The following MYCBP2 variants were observed in gnomAD, a reference collection of about 807,000 sequenced individuals.
MYCBP2 encodes E3 ubiquitin-protein ligase MYCBP2.
A neutral mutation model predicts 525.3 loss-of-function variants in MYCBP2; 120 were observed. The observed-to-expected ratio is 0.23, with a 90% CI of 0.20 to 0.27. The LOEUF (loss-of-function observed/expected upper bound fraction) is 0.27, where lower values mean the gene tolerates loss of function less well. MYCBP2 is among the 10% of genes least tolerant of loss of function. MYCBP2 has a pLI of 1.00. For synonymous variants in MYCBP2, 1,894 were observed against 1,955.8 expected, an observed-to-expected ratio of 0.97 and a Z score of 0.83; for missense variants, 4,149 against 5,657.1, an observed-to-expected ratio of 0.73 and a Z score of 8.55.
intron 55 of MYCBP2, among the ~76,000 whole-genome samples, chr13:77,113,652 T>G (rs1566578886): frequency 1.3e-5 from 2 of 152,242 alleles, no homozygotes; most frequent in South Asian, 4.1e-4. Context: ...AACATCAGCA[T>G]TCTTTGTGGT....
chr13:77,273,390 C>G lies in MYCBP2; in HGVS notation c.945+82G>C. 2.4e-6 allele frequency: 3 copies of G among 1,243,566 alleles called. 1 individual carries two copies. The highest frequency in any genetic ancestry group is 3.3e-6 in the Non-Finnish European group (3 of 907,498). The allele number at this position is 1,243,566 out of a possible 1,614,324, so 77.0% of individuals were successfully genotyped here. ...AGCTACTGTAATGAGTGAGAAAAAGCAGAATTCCTATTGACAGAAATTGAG... is the reference window on the plus strand; with the variant it reads ...AGCTACTGTAATGAGTGAGAAAAAGGAGAATTCCTATTGACAGAAATTGAG... On this transcript the variant is annotated intron_variant, in intron 5 of 82. Coordinates refer to ENST00000544440, the MANE Select transcript of MYCBP2 (RefSeq NM_015057.5).
intron 1 of MYCBP2, among the ~76,000 whole-genome samples, chr13:77,305,137 A>G (rs933573278): frequency 3.3e-5 from 5 of 152,190 alleles, no homozygotes; most frequent in Admixed American, 1.3e-4. Context: ...TAGACAATAT[A>G]AAAAGAAGAA....
intron 30 of MYCBP2, among the ~76,000 whole-genome samples, chr13:77,187,607 A>G (rs2060847077): frequency 6.6e-6 from 1 of 152,228 alleles, no homozygotes; most frequent in African/African-American, 2.4e-5. Context: ...ACAGAGCCAA[A>G]TGTACTGCCA....
At chr13:77,107,628 C>G (rs1258076228) in intron 55 of MYCBP2, among the ~76,000 whole-genome samples, 1 of 152,046 alleles carries the variant, frequency 6.6e-6, no homozygotes. Context: ...GTCCTCACTA[C>G]TCAGGAGGCA....
At position 77,045,320 on chromosome 13, in the gene MYCBP2, G is replaced by T; in HGVS notation, c.*58C>A. The T allele has an allele frequency of 1.7e-6, 2 of 1,180,430 alleles. No homozygotes were observed. The highest frequency in any genetic ancestry group is 1.9e-4 in the Middle Eastern group (1 of 5,152). 73.1% of individuals were successfully genotyped at this position (1,180,430 alleles called of 1,614,324 possible). ...TCCTGAGCAGAGTTTAAACTTCACC[G>T]CATCCTCTTGGGGGATGAAGGCAAT... On this transcript the variant is annotated 3_prime_UTR_variant, in exon 83 of 83. Coordinates refer to ENST00000544440, the MANE Select transcript of MYCBP2 (RefSeq NM_015057.5).
At chr13:77,207,504 A>T (rs2154277643) in intron 23 of MYCBP2, among the ~76,000 whole-genome samples, 1 of 152,140 alleles carries the variant, frequency 6.6e-6, no homozygotes, top group Non-Finnish European at 1.5e-5. Context: ...GTTTTCCAAG[A>T]AAAAAAAGTT....
chr13:77,247,254 A>G (rs186655803), intron 15 of MYCBP2, among the ~76,000 whole-genome samples: 293 of 152,354 alleles, frequency 1.9e-3, no homozygotes, highest in Non-Finnish European at 3.2e-3. Context: ...TGAATTCAGC[A>G]AAGTAGGAAG....
chr13:77,197,917 A>C (rs538150268), intron 26 of MYCBP2, among the ~76,000 whole-genome samples: 1 of 152,296 alleles, frequency 6.6e-6, no homozygotes, highest in East Asian at 1.9e-4. Context: ...AAAAAGAAAA[A>C]TAGGGCCAAT....
chr13:77,075,803 A>T (rs2042193040), intron 68 of MYCBP2: 1 of 152,204 alleles, frequency 6.6e-6, no homozygotes, highest in South Asian at 2.1e-4. Flanking sequence ...CTTAACAGGT[A>T]GTTACACAGT....
At chr13:77,140,501 C>T (rs549228229) in intron 50 of MYCBP2, among the ~76,000 whole-genome samples, 26 of 152,136 alleles carry the variant, frequency 1.7e-4, no homozygotes, top group Non-Finnish European at 3.4e-4. Flanking sequence ...TTTTAACATG[C>T]AGTTTACCAA....
chr13:77,212,567 C>T (rs1308420668), intron 21 of MYCBP2, among the ~76,000 whole-genome samples: 1 of 152,096 alleles, frequency 6.6e-6, no homozygotes, highest in Non-Finnish European at 1.5e-5. Context: ...AAGAAAGTCA[C>T]TATTGAACTC....
At chr13:77,088,694 G>T in intron 61 of MYCBP2, 138 bp downstream of exon 61, 1 of 608,644 alleles carries the variant, frequency 1.6e-6, no homozygotes, top group Non-Finnish European at 2.7e-6. Flanking sequence ...ATTTTTATAG[G>T]AACACTTAAT....
At chr13:77,322,467 CT>C (rs2154383449) in intron 1 of MYCBP2, among the ~76,000 whole-genome samples, 1 of 152,250 alleles carries the variant, frequency 6.6e-6, no homozygotes, top group East Asian at 1.9e-4. Context: ...CCTTCCATTT[CT>C]TTTTTCTTTA....
At chr13:77,304,407 A>G (rs1357488302) in intron 1 of MYCBP2, among the ~76,000 whole-genome samples, 2 of 152,240 alleles carry the variant, frequency 1.3e-5, no homozygotes, top group African/African-American at 4.8e-5. Context: ...GTTTTTACTC[A>G]TATGTGGAAG....
intron 76 of MYCBP2, among the ~76,000 whole-genome samples, chr13:77,060,768 TA>T (rs1339269892): frequency 6.6e-6 from 1 of 152,194 alleles, no homozygotes; most frequent in Non-Finnish European, 1.5e-5. Flanking sequence ...CATACAACCT[TA>T]TAATAAATAG....
At chr13:77,206,076 T>C (rs1446779809) in intron 24 of MYCBP2, among the ~76,000 whole-genome samples, 1 of 152,170 alleles carries the variant, frequency 6.6e-6, no homozygotes, top group Non-Finnish European at 1.5e-5. Context: ...CTGCAAGTGC[T>C]AGAGTCTGAA....
chr13:77,118,149 C>A (rs1396081029), intron 55 of MYCBP2, among the ~76,000 whole-genome samples: 5 of 152,108 alleles, frequency 3.3e-5, no homozygotes, highest in Admixed American at 6.6e-5. Context: ...AACTTTAAAT[C>A]AACTTTAAAT....
intron 30 of MYCBP2, among the ~76,000 whole-genome samples, chr13:77,187,055 C>T (rs1359924521): frequency 6.6e-6 from 1 of 152,136 alleles, no homozygotes; most frequent in Non-Finnish European, 1.5e-5. Flanking sequence ...AGCAATCCTC[C>T]TGCCTCGGCC....
chr13:77,264,099 C>T, intron 8 of MYCBP2, 97 bp from the exon 9 acceptor site: 1 of 866,298 alleles, frequency 1.2e-6, no homozygotes. Flanking sequence ...GTTCTCCACG[C>T]AATAAGGATA....
Sources: gnomAD v4.1 joint callset for allele counts (sites outside exome capture counted in the v4.1 genomes callset) on GRCh38, gnomAD v4.1.1 for gene constraint, MANE v1.5 for transcripts, NCBI Gene and HGNC (gene_info 2026-07-23, HGNC 2026-07-21) for gene names.